Variants in SPSB4 observed in about 807,000 individuals in gnomAD.
SPSB4 encodes SPRY domain-containing SOCS box protein 4.
SPSB4 carries 21 observed loss-of-function variants against 20.9 expected under a neutral mutation model. That is an observed-to-expected ratio of 1.01 (90% CI 0.71 to 1.45). The LOEUF (loss-of-function observed/expected upper bound fraction) is 1.45, where lower values mean the gene tolerates loss of function less well. Among genes scored for constraint, SPSB4 ranks in the 40% most tolerant of loss-of-function variants. SPSB4 has a pLI of 0.00. For missense variants in SPSB4, 399 were observed against 399.2 expected (o/e 1.00, Z 0.00); for synonymous variants, 207 against 183.8 (o/e 1.13, Z -1.02).
chr3:141,111,518 A>G (rs954980758), intron 2 of SPSB4, among the ~76,000 whole-genome samples: 4 of 151,984 alleles, frequency 2.6e-5, no homozygotes, highest in African/African-American at 9.7e-5. Context: ...TTTGGTCCCT[A>G]GATTGAACTG....
At chr3:141,142,019 G>A (rs924488916) in intron 2 of SPSB4, among the ~76,000 whole-genome samples, 3 of 151,836 alleles carry the variant, frequency 2.0e-5, no homozygotes, top group Non-Finnish European at 4.4e-5. Flanking sequence ...TTTATCTTTT[G>A]TATTTTTTGT....
chr3:141,055,149 C>T (rs1358098731), intron 1 of SPSB4, among the ~76,000 whole-genome samples: 1 of 152,106 alleles, frequency 6.6e-6, no homozygotes, highest in African/African-American at 2.4e-5. Context: ...GAGATAGCAG[C>T]AGGAATCAAC....
At chr3:141,104,572 C>T (rs1391413985) in intron 2 of SPSB4, among the ~76,000 whole-genome samples, 1 of 152,146 alleles carries the variant, frequency 6.6e-6, no homozygotes, top group Non-Finnish European at 1.5e-5. Context: ...AGGAGATGGC[C>T]AGGCGGGAAT....
chr3:141,071,574 G>A lies in SPSB4; in HGVS notation c.694+4776G>A, dbSNP rs189286032. On this transcript the variant is annotated intron_variant, in intron 2 of 2. Transcript: ENST00000310546. ...GAGGAAACTGTCTTGGGAAGGTAAC[G>A]AATTTGCCCAAGGCCACACAGCTAG... 5.9e-5 allele frequency among the ~76,000 whole-genome samples: 9 copies of A among 152,142 alleles called. No homozygotes were observed. In the South Asian group the frequency reaches 8.3e-4, roughly 14 times the overall value.
chr3:141,144,453 G>A (rs1396622731), intron 2 of SPSB4, among the ~76,000 whole-genome samples: 3 of 152,084 alleles, frequency 2.0e-5, no homozygotes, highest in Non-Finnish European at 2.9e-5. Flanking sequence ...TTGACATTTG[G>A]TAGTTCTAAG....
rs1939435205 is a variant in SPSB4, at chr3:141,147,570, A to G, written c.*301A>G. The G allele has an allele frequency of 5.8e-6, 2 of 347,272 alleles. No individual in the cohort carries two copies. The highest frequency in any genetic ancestry group is 8.4e-4 in the Middle Eastern group (1 of 1,188). The allele number at this position is 347,272 out of a possible 1,614,324, so 21.5% of individuals were successfully genotyped here. On this transcript the variant is annotated 3_prime_UTR_variant, in exon 3 of 3. Coordinates refer to ENST00000310546, the MANE Select transcript of SPSB4 (RefSeq NM_080862.3). ...CCAACCAGGACACAGCAGCCACCGT[A>G]TTGATCAGAGAGCCTGTTTCCTTAT...
intron 2 of SPSB4, among the ~76,000 whole-genome samples, chr3:141,119,550 G>A (rs1938931225): frequency 6.6e-6 from 1 of 152,154 alleles, no homozygotes; most frequent in Non-Finnish European, 1.5e-5. Flanking sequence ...GATGAGAGAG[G>A]GCATCCCTGT....
chr3:141,100,099 T>C (rs541333194), intron 2 of SPSB4, among the ~76,000 whole-genome samples: 5 of 152,364 alleles, frequency 3.3e-5, no homozygotes, highest in African/African-American at 9.6e-5. Context: ...CATTGTTCTC[T>C]GGTGGTCAAC....
intron 2 of SPSB4, among the ~76,000 whole-genome samples, chr3:141,141,516 G>A (rs564464274): frequency 2.0e-5 from 3 of 152,192 alleles, no homozygotes; most frequent in Admixed American, 1.3e-4. Context: ...CTGCTATTGG[G>A]TTGTGTCTGC....
intron 2 of SPSB4, among the ~76,000 whole-genome samples, chr3:141,113,836 C>T (rs1323057725): frequency 6.6e-6 from 1 of 152,228 alleles, no homozygotes; most frequent in Non-Finnish European, 1.5e-5. Context: ...TGGCTCACGA[C>T]TGTAATCTCA....
intron 1 of SPSB4, among the ~76,000 whole-genome samples, chr3:141,054,690 G>A (rs764563473): frequency 7.2e-5 from 11 of 152,352 alleles, no homozygotes; most frequent in South Asian, 4.1e-4. Flanking sequence ...AAATGTATAC[G>A]TGTGGTGGTT....
intron 2 of SPSB4, among the ~76,000 whole-genome samples, chr3:141,083,314 C>T (rs1018646582): frequency 6.6e-6 from 1 of 152,162 alleles, no homozygotes; most frequent in African/African-American, 2.4e-5. Context: ...TGTACTGTGA[C>T]TTTTCCAAGG....
rs796966473 is a variant in SPSB4, at chr3:141,075,878, C to T, written c.694+9080C>T. 1.6e-3 allele frequency among the ~76,000 whole-genome samples: 212 copies of T among 130,726 alleles called. 1 individual carries two copies. Among genetic ancestry groups the T allele is most frequent in the African/African-American group, 6.2e-3 (210 of 33,852 alleles). The allele number at this position is 130,726 out of a possible 152,430, so 85.8% of individuals were successfully genotyped here. Reference sequence around the variant, plus strand: ...CCTGTCCAACACGACGAAACCCTGTCTCTACTAAAAATACAAAAAAAAAAA... The same window carrying T: ...CCTGTCCAACACGACGAAACCCTGTTTCTACTAAAAATACAAAAAAAAAAA... On this transcript the variant is annotated intron_variant, in intron 2 of 2. Coordinates refer to ENST00000310546, the MANE Select transcript of SPSB4 (RefSeq NM_080862.3).
chr3:141,132,957 C>T (rs1056228224), intron 2 of SPSB4, among the ~76,000 whole-genome samples: 5 of 152,162 alleles, frequency 3.3e-5, no homozygotes, highest in African/African-American at 1.2e-4. Flanking sequence ...TCTACACAAA[C>T]ATCTGCTATT....
At chr3:141,093,344 C>T (rs1253443279) in intron 2 of SPSB4, among the ~76,000 whole-genome samples, 2 of 151,914 alleles carry the variant, frequency 1.3e-5, no homozygotes, top group East Asian at 3.9e-4. Flanking sequence ...TCAATCTTCC[C>T]AGGAAATCTG....
chr3:141,126,970 G>A (rs551374608), intron 2 of SPSB4, among the ~76,000 whole-genome samples: 24 of 152,342 alleles, frequency 1.6e-4, no homozygotes, highest in Non-Finnish European at 2.8e-4. Flanking sequence ...GGCAAGGGAT[G>A]GGACCTTCTT....
At chr3:141,074,007 A>T (rs775369518) in intron 2 of SPSB4, among the ~76,000 whole-genome samples, 1 of 152,234 alleles carries the variant, frequency 6.6e-6, no homozygotes, top group Non-Finnish European at 1.5e-5. Flanking sequence ...TCATATTAAC[A>T]TAGTCATAAT....
chr3:141,087,523 C>T (rs991523611), intron 2 of SPSB4, among the ~76,000 whole-genome samples: 6 of 152,144 alleles, frequency 3.9e-5, no homozygotes, highest in African/African-American at 1.4e-4. Flanking sequence ...GTTGTAGGGT[C>T]CCAGTGACGT....
At chr3:141,105,811 T>A (rs917529648) in intron 2 of SPSB4, among the ~76,000 whole-genome samples, 2 of 152,266 alleles carry the variant, frequency 1.3e-5, no homozygotes, top group Admixed American at 1.3e-4. Context: ...AAGTTTTAAA[T>A]GCTTACTACG....
Sources: gnomAD v4.1 joint callset for allele counts (sites outside exome capture counted in the v4.1 genomes callset) on GRCh38, gnomAD v4.1.1 for gene constraint, MANE v1.5 for transcripts, NCBI Gene and HGNC (gene_info 2026-07-23, HGNC 2026-07-21) for gene names.